Variants in PPP2R2B observed in about 807,000 individuals in gnomAD.
PPP2R2B encodes the protein protein phosphatase 2 regulatory subunit Bbeta.
PPP2R2B carries 5 observed loss-of-function variants against 46.0 expected under a neutral mutation model. That is an observed-to-expected ratio of 0.11 (90% CI 0.06 to 0.23). PPP2R2B has a LOEUF of 0.23. PPP2R2B is among the 10% of genes least tolerant of loss of function. The probability of loss-of-function intolerance (pLI) is 1.00; values close to 1 mark genes in which losing one functional copy is unlikely to be tolerated. For missense variants in PPP2R2B, 367 were observed against 575.0 expected (o/e 0.64, Z 3.70); for synonymous variants, 215 against 206.7 (o/e 1.04, Z -0.34).
intron 5 of PPP2R2B, among the ~76,000 whole-genome samples, chr5:146,680,594 G>T (rs75364147): frequency 6.0e-5 from 9 of 150,802 alleles, no homozygotes; most frequent in Non-Finnish European, 1.2e-4. Flanking sequence ...AAAAAAAAAA[G>T]TTCCCAGAAA....
At chr5:146,802,238 T>C (rs1478173451) in intron 2 of PPP2R2B, among the ~76,000 whole-genome samples, 2 of 152,166 alleles carry the variant, frequency 1.3e-5, no homozygotes, top group Non-Finnish European at 2.9e-5. Flanking sequence ...TTCCCTGCTC[T>C]CTCTAGAATG....
chr5:146,836,716 A>G (rs894454277), intron 2 of PPP2R2B, among the ~76,000 whole-genome samples: 16 of 152,220 alleles, frequency 1.1e-4, no homozygotes, highest in African/African-American at 3.9e-4. Context: ...TCATTGCCAA[A>G]GTTCAGAGAG....
intron 2 of PPP2R2B, among the ~76,000 whole-genome samples, chr5:146,857,251 C>T (rs538480075): frequency 7.2e-5 from 11 of 151,948 alleles, no homozygotes; most frequent in South Asian, 2.1e-4. Flanking sequence ...TCTCTGCAAG[C>T]GTTCAGAAGT....
At chr5:146,960,356 C>T (rs141764083) in intron 1 of PPP2R2B, among the ~76,000 whole-genome samples, 231 of 152,292 alleles carry the variant, frequency 1.5e-3, no homozygotes, top group African/African-American at 5.1e-3. Context: ...GTGGCACAAT[C>T]TCGGCTCACT....
chr5:147,069,662 C>T (rs1337058178), intron 2 of PPP2R2B, among the ~76,000 whole-genome samples: 1 of 151,984 alleles, frequency 6.6e-6, no homozygotes, highest in African/African-American at 2.4e-5. Flanking sequence ...ATGGTTTCTA[C>T]TCATTATTTG....
chr5:146,782,532 C>A (rs1291441734), intron 2 of PPP2R2B, among the ~76,000 whole-genome samples: 2 of 152,202 alleles, frequency 1.3e-5, no homozygotes, highest in African/African-American at 2.4e-5. Flanking sequence ...CTACCTGATT[C>A]CTCCAGTTAT....
chr5:146,896,491 A>G (rs1452352022), intron 1 of PPP2R2B, among the ~76,000 whole-genome samples: 2 of 152,226 alleles, frequency 1.3e-5, no homozygotes. Context: ...AGTACATACT[A>G]AGTATTTATC....
At chr5:146,824,447 C>G (rs952074883) in intron 2 of PPP2R2B, among the ~76,000 whole-genome samples, 3 of 152,126 alleles carry the variant, frequency 2.0e-5, no homozygotes, top group African/African-American at 7.2e-5. Flanking sequence ...CTTTGGCTCC[C>G]TAGGGTACCT....
intron 2 of PPP2R2B, among the ~76,000 whole-genome samples, chr5:146,759,256 T>G (rs1754015648): frequency 6.6e-6 from 1 of 152,224 alleles, no homozygotes; most frequent in African/African-American, 2.4e-5. Context: ...TTCTTAGAAA[T>G]GACCTTTCAG....
chr5:146,659,390 A>G (rs1776545071), intron 5 of PPP2R2B, among the ~76,000 whole-genome samples: 1 of 152,206 alleles, frequency 6.6e-6, no homozygotes, highest in Non-Finnish European at 1.5e-5. Flanking sequence ...TTTGAATGGT[A>G]TAAGAGGGTT....
intron 4 of PPP2R2B, among the ~76,000 whole-genome samples, chr5:146,695,558 T>C (rs1779129797): frequency 1.3e-5 from 2 of 152,356 alleles, no homozygotes; most frequent in South Asian, 4.1e-4. Flanking sequence ...AGATAATTGA[T>C]AGTGAATTCA....
At chr5:146,831,105 A>G (rs555844591) in intron 2 of PPP2R2B, among the ~76,000 whole-genome samples, 169 of 152,266 alleles carry the variant, frequency 1.1e-3, no homozygotes, top group African/African-American at 3.9e-3. Context: ...AATCATGATA[A>G]TAAATGACTA....
chr5:146,773,836 G>A (rs1755015351), intron 2 of PPP2R2B, among the ~76,000 whole-genome samples: 1 of 152,144 alleles, frequency 6.6e-6, no homozygotes, highest in Non-Finnish European at 1.5e-5. Context: ...TTTGTTTAAT[G>A]TGAATTATTT....
At chr5:146,818,353 T>G (rs1175240196) in intron 2 of PPP2R2B, among the ~76,000 whole-genome samples, 1 of 137,248 alleles carries the variant, frequency 7.3e-6, no homozygotes, top group Non-Finnish European at 1.5e-5. Context: ...AAAAATTCAC[T>G]GCAAAAAAAA....
At chr5:146,976,961 A>C (rs145574482) in intron 1 of PPP2R2B, among the ~76,000 whole-genome samples, 119 of 152,268 alleles carry the variant, frequency 7.8e-4, no homozygotes, top group Non-Finnish European at 1.3e-3. Flanking sequence ...ATTTCTCTCT[A>C]TATATGTTTC....
chr5:146,961,589 T>C (rs919962850), intron 1 of PPP2R2B, among the ~76,000 whole-genome samples: 1 of 152,224 alleles, frequency 6.6e-6, no homozygotes, highest in African/African-American at 2.4e-5. Context: ...CAGGTGTGTA[T>C]TCTTTTTCAT....
chr5:146,978,644 T>C (rs1753026458), intron 1 of PPP2R2B, among the ~76,000 whole-genome samples: 1 of 152,230 alleles, frequency 6.6e-6, no homozygotes, highest in South Asian at 2.1e-4. Flanking sequence ...CCCCATTTCT[T>C]GTTTTTGTCA....
intron 2 of PPP2R2B, chr5:146,707,275 T>A: frequency 6.3e-7 from 1 of 1,578,486 alleles, no homozygotes; most frequent in Non-Finnish European, 8.6e-7. Context: ...GTTCTGCTGC[T>A]CCAGGAACCG....
chr5:146,707,554 G>T, intron 2 of PPP2R2B: 1 of 717,572 alleles, frequency 1.4e-6, no homozygotes. Context: ...AGGCCCGGGT[G>T]CCAGAGGTGG....
Sources: allele counts gnomAD v4.1 joint callset (sites outside exome capture counted in the v4.1 genomes callset), GRCh38; gene constraint gnomAD v4.1.1; transcripts MANE v1.5; gene names NCBI Gene and HGNC (gene_info 2026-07-23, HGNC 2026-07-21).